CERS3: variants seen among roughly 807,000 people sequenced by gnomAD.
The protein encoded by CERS3 is ceramide synthase 3, also known as LAG1 homolog, ceramide synthase 3.
Under a neutral mutation model 50.3 loss-of-function variants are expected in CERS3, and 33 were observed. The observed-to-expected ratio is 0.66, with a 90% CI of 0.50 to 0.88. The LOEUF (loss-of-function observed/expected upper bound fraction) is 0.88, where lower values mean the gene tolerates loss of function less well. Ranked by LOEUF, CERS3 falls within the 40% of genes least tolerant of loss-of-function variation. CERS3 has a pLI of 0.00. For missense variants in CERS3, 470 were observed against 460.3 expected, an observed-to-expected ratio of 1.02 and a Z score of -0.19; for synonymous variants, 176 against 155.2, an observed-to-expected ratio of 1.13 and a Z score of -0.99.
chr15:100,492,937 T>G (rs2142304153), intron 3 of CERS3, among the ~76,000 whole-genome samples: 1 of 152,320 alleles, frequency 6.6e-6, no homozygotes, highest in Middle Eastern at 3.4e-3. Context: ...CAGATTAATA[T>G]CAAATTAATT....
chr15:100,458,203 A>G (rs1031899374), intron 10 of CERS3, among the ~76,000 whole-genome samples: 12 of 152,238 alleles, frequency 7.9e-5, no homozygotes, highest in African/African-American at 2.9e-4. Flanking sequence ...CTTTCAGTTT[A>G]CATTATTTGC....
rs2036818427 is a variant in CERS3 at position 100,527,141 on chromosome 15, A to G, written c.-92+1672T>C. Among the ~76,000 whole-genome samples the G allele has an allele frequency of 2.0e-5, 3 of 151,898 alleles. No individual in the cohort carries two copies. In the South Asian group the frequency reaches 6.3e-4, roughly 32 times the overall value. ...AAACCCCCATCTCTACTAAAACTACAAAAAAATTAGCTAGGTGTGGTGTCA... is the reference window on the plus strand; with the variant it reads ...AAACCCCCATCTCTACTAAAACTACGAAAAAATTAGCTAGGTGTGGTGTCA... On this transcript the variant is annotated intron_variant, in intron 1 of 11. Coordinates refer to ENST00000679737, the MANE Select transcript of CERS3 (RefSeq NM_001378789.1).
intron 2 of CERS3, among the ~76,000 whole-genome samples, chr15:100,519,552 C>T (rs1044704097): frequency 2.0e-5 from 3 of 152,270 alleles, no homozygotes; most frequent in Non-Finnish European, 2.9e-5. Context: ...TACCAAGAGA[C>T]GCCACCCATC....
chr15:100,421,420 AAGGAAGTAAAAG>A (rs2032416311), intron 11 of CERS3, among the ~76,000 whole-genome samples: 1 of 152,118 alleles, frequency 6.6e-6, no homozygotes, highest in Admixed American at 6.5e-5. Context: ...ACCACTGCTC[AAGGAAGTAAAAG>A]AGGATACAAA....
At chr15:100,422,876 A>C (rs1008173348) in intron 11 of CERS3, among the ~76,000 whole-genome samples, 8 of 138,704 alleles carry the variant, frequency 5.8e-5, no homozygotes, top group Non-Finnish European at 7.7e-5. Context: ...ACAGGTGGGA[A>C]TTGAACAATG....
At chr15:100,524,697 G>A (rs1016093539) in intron 1 of CERS3, among the ~76,000 whole-genome samples, 2 of 152,198 alleles carry the variant, frequency 1.3e-5, no homozygotes, top group African/African-American at 4.8e-5. Context: ...AACAAACTTT[G>A]AGGGGAAGAA....
upstream of CERS3, among the ~76,000 whole-genome samples, chr15:100,530,714 G>C (rs780971709): frequency 2.6e-5 from 4 of 152,070 alleles, no homozygotes; most frequent in Non-Finnish European, 4.4e-5. Flanking sequence ...TTTCACTCCG[G>C]GGATATCTCG....
At position 100,503,516 on chromosome 15, in the gene CERS3, G is replaced by A. The variant is rs533583080; in HGVS notation, c.-1-1666C>T. On this transcript the variant is annotated intron_variant, in intron 2 of 11. Coordinates refer to ENST00000679737, the MANE Select transcript of CERS3 (RefSeq NM_001378789.1). ...ACCCACTGAAGGGTATTATGAAGAG[G>A]AATGAGATGGTCAGCTATTTTAGAA... Among the ~76,000 whole-genome samples, 80 of 152,306 alleles carry A rather than the reference G, an allele frequency of 5.3e-4. 2 individuals carry two copies. In the South Asian group the frequency reaches 5.4e-3, roughly 10 times the overall value.
chr15:100,530,502 C>G (rs2036911468), upstream of CERS3, among the ~76,000 whole-genome samples: 1 of 152,242 alleles, frequency 6.6e-6, no homozygotes, highest in Non-Finnish European at 1.5e-5. Context: ...CTTCCCTAGC[C>G]TCGGCCCTCT....
At chr15:100,480,140 A>T in intron 5 of CERS3, 94 bp from the exon 6 acceptor site, 1 of 909,080 alleles carries the variant, frequency 1.1e-6, no homozygotes, top group Non-Finnish European at 1.8e-6. Context: ...CAAAGAACAC[A>T]CATTCTGGAG....
intron 2 of CERS3, among the ~76,000 whole-genome samples, chr15:100,517,246 A>T (rs764247367): frequency 1.3e-5 from 2 of 152,266 alleles, no homozygotes; most frequent in Non-Finnish European, 2.9e-5. Flanking sequence ...AATGCCTGGC[A>T]CATGGCAAGT....
At chr15:100,543,601 C>T (rs1207866761) in intron 1 of CERS3, among the ~76,000 whole-genome samples, 1 of 151,332 alleles carries the variant, frequency 6.6e-6, no homozygotes, top group Non-Finnish European at 1.5e-5. Context: ...GCGATCTCGG[C>T]TCACTGTCAC....
At chr15:100,478,952 GTATTCTAATT>G (rs2142263368) in intron 7 of CERS3, among the ~76,000 whole-genome samples, 1 of 152,240 alleles carries the variant, frequency 6.6e-6, no homozygotes, top group Non-Finnish European at 1.5e-5. Context: ...GGTGTATGGT[GTATTCTAATT>G]ACCTTTCAGT....
chr15:100,511,813 A>G (rs111495791), intron 2 of CERS3, among the ~76,000 whole-genome samples: 6 of 25,124 alleles, frequency 2.4e-4, no homozygotes, highest in African/African-American at 4.9e-4. Flanking sequence ...GAGGAGCATC[A>G]TAAGTCCACT....
chr15:100,403,245 G>A (rs1322713738), intron 11 of CERS3, among the ~76,000 whole-genome samples: 1 of 152,058 alleles, frequency 6.6e-6, no homozygotes, highest in Admixed American at 6.6e-5. Flanking sequence ...ATCAAAATTT[G>A]TTCAATGCAG....
chr15:100,501,714 C>T lies in CERS3; in HGVS notation c.136G>A (p.Ala46Thr). ...CGTCTGATAATCAGCAAGAGAAAAGCATATGGAATTGTCACGTATAAATGA... is the reference window on the plus strand; with the variant it reads ...CGTCTGATAATCAGCAAGAGAAAAGTATATGGAATTGTCACGTATAAATGA... ...PSHLYVTIPYAFLLLIIRRVF... is the reference protein window; with the variant it reads ...PSHLYVTIPYTFLLLIIRRVF... The change falls in exon 3 of 12, where the codon GCT becomes ACT. Residue 46 changes from alanine to threonine, a missense_variant. Physicochemically the swap from Ala to Thr is moderately conservative, Grantham distance 58 (BLOSUM62 0). Transcript: ENST00000679737. 1 of 1,613,886 alleles carries T rather than the reference C, an allele frequency of 6.2e-7. No individual in the cohort carries two copies. Among genetic ancestry groups the T allele is most frequent in the Non-Finnish European group, 8.5e-7 (1 of 1,179,790 alleles).
intron 2 of CERS3, 125 bp from the exon 3 acceptor site, chr15:100,501,975 A>G (rs1420207152): frequency 5.4e-6 from 5 of 920,030 alleles, no homozygotes; most frequent in Non-Finnish European, 6.5e-6. Flanking sequence ...GGCCTAGCGC[A>G]GTGGCTCACA....
intron 11 of CERS3, among the ~76,000 whole-genome samples, chr15:100,428,962 G>T (rs1428456582): frequency 6.6e-6 from 1 of 152,226 alleles, no homozygotes; most frequent in Non-Finnish European, 1.5e-5. Context: ...CGTGGGCAGA[G>T]GCCCTGCGAT....
chr15:100,443,108 C>A (rs996411432), intron 11 of CERS3, among the ~76,000 whole-genome samples: 1 of 151,878 alleles, frequency 6.6e-6, no homozygotes, highest in Non-Finnish European at 1.5e-5. Context: ...GCTACAGCCA[C>A]ACCTCATTAC....
Sources: allele counts gnomAD v4.1 joint callset (sites outside exome capture counted in the v4.1 genomes callset), GRCh38; gene constraint gnomAD v4.1.1; transcripts MANE v1.5; gene names NCBI Gene and HGNC (gene_info 2026-07-23, HGNC 2026-07-21).